Variants in FAM222A observed in about 807,000 individuals in gnomAD.
FAM222A encodes family with sequence similarity 222 member A, also known as protein FAM222A.
A neutral mutation model predicts 25.8 loss-of-function variants in FAM222A; 7 were observed. That is an observed-to-expected ratio of 0.27 (90% CI 0.15 to 0.51). The LOEUF (loss-of-function observed/expected upper bound fraction) is 0.51, where lower values mean the gene tolerates loss of function less well. Ranked by LOEUF, FAM222A falls within the 20% of genes least tolerant of loss-of-function variation. The pLI is 0.97. For synonymous variants in FAM222A, 294 were observed against 298.8 expected (o/e 0.98, Z 0.17); for missense variants, 573 against 640.5 (o/e 0.89, Z 1.14).
intron 2 of FAM222A, among the ~76,000 whole-genome samples, chr12:109,752,079 G>T (rs150838600): frequency 1.3e-5 from 2 of 152,136 alleles, no homozygotes; most frequent in African/African-American, 4.8e-5. Context: ...TGTCTCAAAG[G>T]GTCTGTGCCT....
intron 2 of FAM222A, chr12:109,744,755 T>C: frequency 4.1e-6 from 4 of 985,368 alleles, no homozygotes; most frequent in Non-Finnish European, 4.8e-6. Context: ...TTTTTAGCTA[T>C]CATAATTTCT....
intron 2 of FAM222A, among the ~76,000 whole-genome samples, chr12:109,758,152 G>T (rs1888788122): frequency 6.6e-6 from 1 of 152,214 alleles, no homozygotes. Context: ...GTCTTTGTAT[G>T]TTGAGGGTGT....
At chr12:109,736,139 G>A (rs1888080623) in intron 1 of FAM222A, among the ~76,000 whole-genome samples, 1 of 152,206 alleles carries the variant, frequency 6.6e-6, no homozygotes, top group Non-Finnish European at 1.5e-5. Flanking sequence ...CCCTGCATAG[G>A]TGAGGTGCTC....
intron 1 of FAM222A, among the ~76,000 whole-genome samples, chr12:109,739,947 C>G (rs888278728): frequency 4.6e-5 from 7 of 152,196 alleles, no homozygotes; most frequent in African/African-American, 1.4e-4. Context: ...CCGTTAAGAG[C>G]CCAAATTGCA....
intron 2 of FAM222A, among the ~76,000 whole-genome samples, chr12:109,757,304 C>G (rs1565845497): frequency 1.3e-5 from 2 of 152,242 alleles, no homozygotes; most frequent in East Asian, 3.9e-4. Flanking sequence ...AGCAAAGGGA[C>G]CAAAAATGGC....
At chr12:109,762,016 A>G (rs1047403108) in intron 2 of FAM222A, among the ~76,000 whole-genome samples, 1 of 151,068 alleles carries the variant, frequency 6.6e-6, no homozygotes, top group African/African-American at 2.4e-5. Context: ...CCCCAAGACT[A>G]CCTTCCATCA....
chr12:109,744,343 G>C, intron 2 of FAM222A, 115 bp downstream of exon 2: 2 of 1,439,168 alleles, frequency 1.4e-6, no homozygotes, highest in Non-Finnish European at 1.8e-6. Flanking sequence ...TGCTCTCTTA[G>C]GCCCCCAGGC....
intron 2 of FAM222A, among the ~76,000 whole-genome samples, chr12:109,747,667 T>C (rs905372321): frequency 7.5e-6 from 1 of 133,960 alleles, no homozygotes; most frequent in African/African-American, 2.8e-5. Context: ...ATTTGCCTGG[T>C]TGAAATCTTC....
At chr12:109,765,786 G>T (rs1041174315) in intron 2 of FAM222A, among the ~76,000 whole-genome samples, 61 of 152,352 alleles carry the variant, frequency 4.0e-4, no homozygotes, top group African/African-American at 1.4e-3. Context: ...CAGCTGCGAT[G>T]CCAGTCCCAC....
At position 109,713,856 on chromosome 12, in the gene FAM222A, T is replaced by A. The variant is rs953100920; in HGVS notation, c.-1088T>A. 6.7e-6 allele frequency among the ~76,000 whole-genome samples: 1 copy of A among 149,390 alleles called. No homozygotes were observed. The highest frequency in any genetic ancestry group is 2.4e-5 in the African/African-American group (1 of 41,030). ...GCCAGAGCGGAGCAGCGGGCAGGAC[T>A]GCCTGGCCGGCTGCTCCGCGGAGAG... On this transcript the variant is annotated 5_prime_UTR_variant, in exon 1 of 3. Transcript: ENST00000538780.
At chr12:109,743,583 C>T (rs1198968083) in intron 1 of FAM222A, among the ~76,000 whole-genome samples, 1 of 152,210 alleles carries the variant, frequency 6.6e-6, no homozygotes, top group East Asian at 1.9e-4. Context: ...ATCTCCCCTC[C>T]AGGGGGGCTA....
chr12:109,719,405 G>C (rs1347009791), intron 1 of FAM222A, among the ~76,000 whole-genome samples: 1 of 152,196 alleles, frequency 6.6e-6, no homozygotes, highest in East Asian at 1.9e-4. Context: ...ACCCACTCGT[G>C]GTTCCATTCG....
At chr12:109,715,532 G>A (rs1403048205) in intron 1 of FAM222A, among the ~76,000 whole-genome samples, 1 of 152,192 alleles carries the variant, frequency 6.6e-6, no homozygotes, top group Non-Finnish European at 1.5e-5. Flanking sequence ...GCGGGGTCGT[G>A]GTAACAAGGG....
intron 2 of FAM222A, among the ~76,000 whole-genome samples, chr12:109,749,567 C>T (rs1888503491): frequency 6.6e-6 from 1 of 151,956 alleles, no homozygotes; most frequent in Admixed American, 6.5e-5. Flanking sequence ...AAAAGGTGTT[C>T]ACTTTGTTTT....
At position 109,768,026 on chromosome 12, in the gene FAM222A, AGC is replaced by A; in HGVS notation, c.100_101del (p.Ala34HisfsTer49). ...TCCTCCCACAGGCGAGGCGGTGGCC[AGC>A]GCCATGCATTCCTCCCGCTACCCGA... ...LELRKCEAVA[S>X]AMHSSRYPSP... On this transcript the variant is annotated frameshift_variant, in exon 3 of 3. Transcript: ENST00000538780. LOFTEE classifies it high-confidence loss of function. 1 of 1,613,136 alleles carries A rather than the reference AGC, an allele frequency of 6.2e-7. No homozygotes were observed. The highest frequency in any genetic ancestry group is 8.5e-7 in the Non-Finnish European group (1 of 1,179,766).
At chr12:109,746,074 A>C (rs934077583) in intron 2 of FAM222A, among the ~76,000 whole-genome samples, 9 of 151,974 alleles carry the variant, frequency 5.9e-5, no homozygotes, top group Admixed American at 5.9e-4. Flanking sequence ...GGAAAGTGAG[A>C]CTTATCAGTA....
intron 1 of FAM222A, among the ~76,000 whole-genome samples, chr12:109,721,794 A>G (rs1465822418): frequency 1.3e-5 from 2 of 152,198 alleles, no homozygotes; most frequent in African/African-American, 4.8e-5. Context: ...CTGGATGATG[A>G]TAACAGCATG....
intron 2 of FAM222A, among the ~76,000 whole-genome samples, chr12:109,766,468 A>G (rs1889053436): frequency 6.6e-6 from 1 of 152,256 alleles, no homozygotes. Context: ...TGCTGGCCTT[A>G]CAGGTGAACA....
intron 1 of FAM222A, among the ~76,000 whole-genome samples, chr12:109,723,008 G>C (rs1373196621): frequency 4.6e-5 from 7 of 151,054 alleles, no homozygotes; most frequent in Non-Finnish European, 1.0e-4. Context: ...CGGGTGGGGG[G>C]GGGAGGGGGT....
Sources: gnomAD v4.1 joint callset for allele counts (sites outside exome capture counted in the v4.1 genomes callset) on GRCh38, gnomAD v4.1.1 for gene constraint, MANE v1.5 for transcripts, NCBI Gene and HGNC (gene_info 2026-07-23, HGNC 2026-07-21) for gene names.